NDST4: variants seen among roughly 807,000 people sequenced by gnomAD.
The protein encoded by NDST4 is N-deacetylase and N-sulfotransferase 4.
Under a neutral mutation model 100.8 loss-of-function variants are expected in NDST4, and 63 were observed. The ratio of observed to expected loss-of-function variants is 0.62; its 90% CI spans 0.51 to 0.77. The LOEUF is 0.77. Among genes scored for constraint, NDST4 ranks in the 30% least tolerant of loss-of-function variants. The pLI, the probability that NDST4 is intolerant of heterozygous loss-of-function variation, is 0.00. For synonymous variants in NDST4, 377 were observed against 361.8 expected (o/e 1.04, Z -0.48); for missense variants, 943 against 1,018.4 (o/e 0.93, Z 1.01).
chr4:114,828,004 T>C, intron 13 of NDST4, 69 bp from the exon 14 acceptor site: 2 of 1,426,912 alleles, frequency 1.4e-6, no homozygotes, highest in Non-Finnish European at 1.9e-6. Flanking sequence ...GTAATCTATA[T>C]TTCTTAAGGA....
At chr4:114,919,555 G>A (rs1415085783) in intron 6 of NDST4, among the ~76,000 whole-genome samples, 2 of 152,186 alleles carry the variant, frequency 1.3e-5, no homozygotes, top group Non-Finnish European at 2.9e-5. Context: ...TGGAAAGAAG[G>A]ATGGTGTGGT....
intron 6 of NDST4, among the ~76,000 whole-genome samples, chr4:114,884,922 T>C (rs1337390404): frequency 2.6e-5 from 4 of 152,154 alleles, no homozygotes; most frequent in Non-Finnish European, 5.9e-5. Context: ...AGGCCGACTC[T>C]ATTGTGAGAT....
intron 6 of NDST4, among the ~76,000 whole-genome samples, chr4:114,918,476 G>A (rs1466769731): frequency 1.3e-5 from 2 of 151,048 alleles, no homozygotes; most frequent in Non-Finnish European, 2.9e-5. Flanking sequence ...GCACCAGCAT[G>A]GCACATGTAT....
intron 7 of NDST4, among the ~76,000 whole-genome samples, chr4:114,855,027 A>T (rs1442435554): frequency 1.3e-5 from 2 of 152,166 alleles, no homozygotes; most frequent in Non-Finnish European, 2.9e-5. Context: ...TTCTCTGATG[A>T]TCAATGATGT....
intron 2 of NDST4, 121 bp downstream of exon 2, chr4:115,075,938 T>A: frequency 1.7e-6 from 2 of 1,200,742 alleles, no homozygotes; most frequent in Non-Finnish European, 1.1e-6. Flanking sequence ...TAAATGGCTA[T>A]CTTATTTCAA....
chr4:115,058,012 G>T (rs1728739788), intron 2 of NDST4, among the ~76,000 whole-genome samples: 3 of 152,080 alleles, frequency 2.0e-5, no homozygotes, highest in Non-Finnish European at 2.9e-5. Context: ...ATCATGAAAG[G>T]CCACTTGGAA....
At chr4:115,069,048 C>G (rs1464778514) in intron 2 of NDST4, among the ~76,000 whole-genome samples, 1 of 151,888 alleles carries the variant, frequency 6.6e-6, no homozygotes, top group African/African-American at 2.4e-5. Context: ...GAATTAAGGT[C>G]AGTGATTATG....
intron 2 of NDST4, among the ~76,000 whole-genome samples, chr4:114,990,725 A>G (rs1333392146): frequency 6.6e-6 from 1 of 152,068 alleles, no homozygotes; most frequent in Non-Finnish European, 1.5e-5. Flanking sequence ...TACATAATAC[A>G]CTTTTTGGGA....
intron 2 of NDST4, among the ~76,000 whole-genome samples, chr4:115,041,109 A>G (rs907672130): frequency 1.3e-5 from 2 of 152,100 alleles, no homozygotes; most frequent in Non-Finnish European, 2.9e-5. Context: ...ACAACCCCTA[A>G]TGAATTAATG....
rs1727460597 is a variant in NDST4 at position 115,008,067 on chromosome 4, G to A, written c.979-30793C>T. On this transcript the variant is annotated intron_variant, in intron 2 of 13. Coordinates refer to ENST00000264363, the MANE Select transcript of NDST4 (RefSeq NM_022569.3). ...CTACAGGCCAGTGAGTTTCTCTGAG[G>A]TTTCTAATCCACAACAGAATTTCTG... 2.3e-5 allele frequency among the ~76,000 whole-genome samples: 3 copies of A among 129,918 alleles called. No homozygotes were observed. The South Asian group carries it at 8.8e-4, about 38-fold the overall frequency. 85.2% of individuals were successfully genotyped at this position (129,918 alleles called of 152,430 possible). A position where few individuals can be genotyped will look rare whatever the true frequency, so the allele number is the denominator to read the frequency against.
chr4:115,030,334 A>C (rs944595943), intron 2 of NDST4, among the ~76,000 whole-genome samples: 3 of 152,138 alleles, frequency 2.0e-5, no homozygotes, highest in African/African-American at 7.2e-5. Context: ...TATAATTTTT[A>C]TTCTGTTAAT....
intron 2 of NDST4, among the ~76,000 whole-genome samples, chr4:115,059,832 T>C (rs1057194332): frequency 6.6e-6 from 1 of 151,992 alleles, no homozygotes; most frequent in Non-Finnish European, 1.5e-5. Context: ...TGAGGAGAAG[T>C]TGCAATAGCT....
intron 6 of NDST4, among the ~76,000 whole-genome samples, chr4:114,897,081 A>G (rs1024526488): frequency 6.6e-6 from 1 of 152,160 alleles, no homozygotes; most frequent in Non-Finnish European, 1.5e-5. Context: ...TTGACACATC[A>G]TTATTACCCA....
chr4:114,960,312 C>T (rs1480971873), intron 4 of NDST4, among the ~76,000 whole-genome samples: 3 of 151,998 alleles, frequency 2.0e-5, no homozygotes, highest in Non-Finnish European at 2.9e-5. Flanking sequence ...TTTGAATCAA[C>T]ATAAAGAAAT....
chr4:115,017,445 T>C (rs279531), intron 2 of NDST4, among the ~76,000 whole-genome samples: 132,167 of 151,976 alleles, frequency 0.87, 57,914 homozygotes, highest in African/African-American at 0.92. Flanking sequence ...TAAAACATTG[T>C]TACATAGAAT....
chr4:115,106,336 C>T (rs375558329), intron 1 of NDST4, among the ~76,000 whole-genome samples: 1 of 151,976 alleles, frequency 6.6e-6, no homozygotes, highest in Non-Finnish European at 1.5e-5. Flanking sequence ...TGTCATCAAA[C>T]TTTTGGTTCT....
chr4:115,064,443 T>A (rs1203542706), intron 2 of NDST4, among the ~76,000 whole-genome samples: 1 of 152,046 alleles, frequency 6.6e-6, no homozygotes, highest in Non-Finnish European at 1.5e-5. Context: ...ACAGTATCAG[T>A]TGGTACATCT....
chr4:114,831,362 A>T (rs770850698), intron 12 of NDST4, among the ~76,000 whole-genome samples: 22 of 152,264 alleles, frequency 1.4e-4, no homozygotes, highest in Middle Eastern at 3.4e-3. Context: ...TCCAACCTGG[A>T]CTTTTCAATC....
chr4:114,945,081 T>C (rs1725831981), intron 4 of NDST4, among the ~76,000 whole-genome samples: 1 of 151,828 alleles, frequency 6.6e-6, no homozygotes, highest in African/African-American at 2.4e-5. Flanking sequence ...TGGTGGCACA[T>C]GCCTGTAATC....
Sources: allele counts gnomAD v4.1 joint callset (sites outside exome capture counted in the v4.1 genomes callset), GRCh38; gene constraint gnomAD v4.1.1; transcripts MANE v1.5; gene names NCBI Gene and HGNC (gene_info 2026-07-23, HGNC 2026-07-21).